Variants in WDR49 observed in about 807,000 individuals in gnomAD.
WDR49 encodes WD repeat domain 49.
A neutral mutation model predicts 119.5 loss-of-function variants in WDR49; 107 were observed. The ratio of observed to expected loss-of-function variants is 0.90; its 90% CI spans 0.77 to 1.05. WDR49 has a LOEUF of 1.05. Among genes scored for constraint, WDR49 ranks in the 50% least tolerant of loss-of-function variants. The pLI is 0.00. For synonymous variants in WDR49, 425 were observed against 418.8 expected (o/e 1.01, Z -0.18); for missense variants, 1,240 against 1,220.5 (o/e 1.02, Z -0.24).
chr3:167,621,928 T>C (rs943863154), intron 3 of WDR49, among the ~76,000 whole-genome samples: 2 of 152,044 alleles, frequency 1.3e-5, no homozygotes, highest in African/African-American at 4.8e-5. Context: ...AGACCACTAA[T>C]CACACAGGAG....
At chr3:167,625,713 A>C (rs1172090670) in intron 3 of WDR49, among the ~76,000 whole-genome samples, 1 of 152,078 alleles carries the variant, frequency 6.6e-6, no homozygotes, top group African/African-American at 2.4e-5. Context: ...ACTGAAGAAA[A>C]CATAACCACC....
At chr3:167,573,306 A>T (rs1230158655) in intron 8 of WDR49, among the ~76,000 whole-genome samples, 2 of 151,862 alleles carry the variant, frequency 1.3e-5, no homozygotes, top group Non-Finnish European at 2.9e-5. Context: ...CATGTTTCCA[A>T]CCCAGCAGTT....
intron 18 of WDR49, among the ~76,000 whole-genome samples, chr3:167,479,396 T>C (rs1208448096): frequency 3.9e-5 from 6 of 152,108 alleles, no homozygotes; most frequent in Non-Finnish European, 1.5e-5. Context: ...TCTGCATGAA[T>C]AAACAAGCGC....
intron 18 of WDR49, among the ~76,000 whole-genome samples, chr3:167,497,038 C>T (rs888379286): frequency 7.9e-5 from 12 of 152,144 alleles, no homozygotes; most frequent in African/African-American, 2.7e-4. Flanking sequence ...TCACTATTTC[C>T]TTGTTTTCTC....
intron 4 of WDR49, among the ~76,000 whole-genome samples, chr3:167,621,154 A>G (rs928899173): frequency 6.6e-5 from 10 of 152,098 alleles, no homozygotes; most frequent in Admixed American, 4.6e-4. Flanking sequence ...AATATTAAAC[A>G]TTTATTCATA....
rs576404489 is a variant in WDR49, at chr3:167,645,783, T to C, written c.165+7478A>G. ...CTCCAGAATCTATGTTGCGATTCTC[T>C]CACACTCAATTTTGTCTCTCATAGC... is the stretch of plus-strand genomic sequence containing the variant. On this transcript the variant is annotated intron_variant, in intron 2 of 18. Transcript: ENST00000682715. Among the ~76,000 whole-genome samples, 8 of 152,286 alleles carry C rather than the reference T, an allele frequency of 5.3e-5. No individual in the cohort carries two copies. The South Asian group carries it at 1.7e-3, about 32-fold the overall frequency.
At chr3:167,606,254 C>A (rs190259582) in intron 5 of WDR49, among the ~76,000 whole-genome samples, 1 of 151,982 alleles carries the variant, frequency 6.6e-6, no homozygotes, top group Admixed American at 6.6e-5. Flanking sequence ...AACTATAGAC[C>A]CTCTCCATCA....
intron 7 of WDR49, among the ~76,000 whole-genome samples, chr3:167,592,782 C>A (rs1031409131): frequency 6.6e-6 from 1 of 152,148 alleles, no homozygotes; most frequent in Non-Finnish European, 1.5e-5. Context: ...GATTGAAGAA[C>A]TCCCTCTAGC....
chr3:167,618,403 CAATA>C (rs1427807256), intron 5 of WDR49, among the ~76,000 whole-genome samples: 3 of 152,050 alleles, frequency 2.0e-5, no homozygotes, highest in Admixed American at 2.0e-4. Context: ...CATAAAAGAT[CAATA>C]AATAATTGTT....
At chr3:167,541,206 T>A (rs1711803456) in intron 10 of WDR49, among the ~76,000 whole-genome samples, 1 of 152,088 alleles carries the variant, frequency 6.6e-6, no homozygotes, top group Admixed American at 6.6e-5. Context: ...AAAGAACACC[T>A]GGGAAATTCA....
At chr3:167,525,072 C>T (rs1434436830) in intron 15 of WDR49, among the ~76,000 whole-genome samples, 1 of 152,014 alleles carries the variant, frequency 6.6e-6, no homozygotes, top group Non-Finnish European at 1.5e-5. Flanking sequence ...TGTGTCCTCC[C>T]TGATTTCCTT....
At chr3:167,651,599 T>G (rs927523488) in intron 2 of WDR49, among the ~76,000 whole-genome samples, 5 of 152,190 alleles carry the variant, frequency 3.3e-5, no homozygotes, top group African/African-American at 2.4e-5. Flanking sequence ...ACTTCATTTT[T>G]TTTTTTTGAA....
intron 16 of WDR49, among the ~76,000 whole-genome samples, chr3:167,516,882 C>T (rs1216095506): frequency 6.6e-6 from 1 of 152,084 alleles, no homozygotes; most frequent in African/African-American, 2.4e-5. Flanking sequence ...AAAAAACAAA[C>T]AACCCCATCA....
chr3:167,498,109 G>T (rs1751428856), intron 18 of WDR49, among the ~76,000 whole-genome samples: 2 of 151,964 alleles, frequency 1.3e-5, no homozygotes, highest in Admixed American at 1.3e-4. Context: ...CAATGTGCTG[G>T]GATTACGGGC....
intron 8 of WDR49, among the ~76,000 whole-genome samples, chr3:167,571,096 C>T (rs1713913641): frequency 6.6e-6 from 1 of 151,760 alleles, no homozygotes; most frequent in Admixed American, 6.6e-5. Flanking sequence ...GTAAGGGCAC[C>T]ACTCTATGGC....
intron 7 of WDR49, among the ~76,000 whole-genome samples, chr3:167,580,472 G>C (rs1714477676): frequency 6.6e-6 from 1 of 152,158 alleles, no homozygotes; most frequent in African/African-American, 2.4e-5. Context: ...CAGAATCTCT[G>C]AGGATGGGGC....
At chr3:167,537,081 T>G in intron 10 of WDR49, 81 bp from the exon 11 acceptor site, 1 of 1,345,178 alleles carries the variant, frequency 7.4e-7, no homozygotes, top group East Asian at 2.9e-5. Flanking sequence ...TTGAATGATG[T>G]GATCCAAGAC....
chr3:167,488,426 A>G (rs1197251217), intron 18 of WDR49, among the ~76,000 whole-genome samples: 1 of 152,052 alleles, frequency 6.6e-6, no homozygotes, highest in African/African-American at 2.4e-5. Context: ...GGTTTGCAAA[A>G]CTACCTATTG....
chr3:167,482,883 G>A (rs1370848601), intron 18 of WDR49, among the ~76,000 whole-genome samples: 1 of 152,110 alleles, frequency 6.6e-6, no homozygotes, highest in Admixed American at 6.5e-5. Flanking sequence ...AAAGGAGAAA[G>A]AAACCTTGTT....
Sources: gnomAD v4.1 joint callset for allele counts (sites outside exome capture counted in the v4.1 genomes callset) on GRCh38, gnomAD v4.1.1 for gene constraint, MANE v1.5 for transcripts, NCBI Gene and HGNC (gene_info 2026-07-23, HGNC 2026-07-21) for gene names.